Variants in SNORC observed in about 807,000 individuals in gnomAD.
SNORC encodes the protein secondary ossification center associated regulator of chondrocyte maturation.
In SNORC, 11 loss-of-function variants were observed where a neutral mutation model predicts 9.7. The observed-to-expected ratio is 1.14, with a 90% confidence interval of 0.72 to 1.88. The LOEUF is 1.88. SNORC is among the 40% of genes most tolerant of loss of function. The probability of loss-of-function intolerance (pLI) is 0.00; values close to 1 mark genes in which losing one functional copy is unlikely to be tolerated. For missense variants in SNORC, 197 were observed against 173.1 expected (o/e 1.14, Z -0.77); for synonymous variants, 108 against 88.7 (o/e 1.22, Z -1.22).
intron 1 of SNORC, among the ~76,000 whole-genome samples, chr2:232,870,713 TTAAAATC>T (rs1251922756): frequency 6.6e-6 from 1 of 151,876 alleles, no homozygotes; most frequent in African/African-American, 2.4e-5. Context: ...CTCTAGCACT[TTAAAATC>T]TGAAGTCTCC....
chr2:232,878,606 G>A (rs945903242), downstream of SNORC: 1 of 152,460 alleles, frequency 6.6e-6, no homozygotes, highest in Non-Finnish European at 1.5e-5. Flanking sequence ...ATGCCTCCTC[G>A]ACCAGCCTTG....
At chr2:232,876,533 G>A (rs917716318), downstream of SNORC, 3 of 1,205,156 alleles carry the variant, frequency 2.5e-6, no homozygotes, top group African/African-American at 1.6e-5. The surrounding 1 kb of genome is among the most constrained non-coding windows in gnomAD (Gnocchi z 6.8). Flanking sequence ...CACGCGCGCG[G>A]GTCCGGAGGC....
At chr2:232,875,896 G>A (rs908397288) in intron 1 of SNORC, 44 bp from the exon 2 acceptor site, 2 of 1,510,296 alleles carry the variant, frequency 1.3e-6, no homozygotes, top group African/African-American at 1.4e-5. Flanking sequence ...CGTCCCTGTC[G>A]GCCCCGTCAC....
chr2:232,867,259 C>T (rs892833724), upstream of SNORC, among the ~76,000 whole-genome samples: 6 of 152,318 alleles, frequency 3.9e-5, no homozygotes, highest in African/African-American at 1.4e-4. Context: ...CCATAATCCT[C>T]AGTATTTCCT....
upstream of SNORC, chr2:232,869,934 A>G (rs1029494099): frequency 9.7e-6 from 3 of 309,484 alleles, no homozygotes; most frequent in Admixed American, 1.5e-4. Context: ...CCCCACTGAA[A>G]CACAGTGGCC....
Position 232,876,010 on chromosome 2 carries a change from C to A in SNORC, c.144C>A (p.Pro48=). 1 of 1,552,168 alleles carries A rather than the reference C, an allele frequency of 6.4e-7. No homozygotes were observed. The highest frequency in any genetic ancestry group is 1.2e-5 in the South Asian group (1 of 84,456). ...CCGAGCTGCCGTCGGGAGAAGGCCC[C>A]GTGGAGAGCACCAGCCCCGGCCGGG... Residue 48 remains proline (P), a synonymous_variant, in exon 2 of 3, where the codon CCC becomes CCA. Coordinates refer to ENST00000331342, the Ensembl canonical transcript of SNORC. The surrounding 1 kb of genome is among the most constrained non-coding windows in gnomAD (Gnocchi z 6.8).
At chr2:232,872,537 C>T (rs571052575) in intron 1 of SNORC, among the ~76,000 whole-genome samples, 11 of 152,338 alleles carry the variant, frequency 7.2e-5, no homozygotes, top group African/African-American at 2.6e-4. Flanking sequence ...GAGCGCGTAG[C>T]CACACCACAT....
rs75834091 is a variant in SNORC at position 232,875,467 on chromosome 2, G to A, written c.74-473G>A. On this transcript the variant is annotated intron_variant, in intron 1 of 2. Coordinates refer to ENST00000331342, the Ensembl canonical transcript of SNORC. Reference sequence around the variant, plus strand: ...CCATCCCCATGTTGAGCTTTCCAGCGTTTCTGGGGCATCCTGTCTGGTTGC... The same window carrying A: ...CCATCCCCATGTTGAGCTTTCCAGCATTTCTGGGGCATCCTGTCTGGTTGC... The A allele has an allele frequency of 2.0e-3, 818 of 417,506 alleles. 22 individuals carry two copies. In the East Asian group the frequency reaches 0.052, roughly 26 times the overall value. The allele number at this position is 417,506 out of a possible 1,614,324, so 25.9% of individuals were successfully genotyped here.
At chr2:232,874,870 C>T (rs1025763598) in intron 1 of SNORC, among the ~76,000 whole-genome samples, 1 of 152,246 alleles carries the variant, frequency 6.6e-6, no homozygotes, top group South Asian at 2.1e-4. Context: ...CTCACCACCA[C>T]GGCACCTTAT....
downstream of SNORC, chr2:232,876,896 G>T (rs1273257111): frequency 2.1e-5 from 21 of 985,356 alleles, no homozygotes; most frequent in African/African-American, 3.5e-5. This position sits in a 1 kb window ranked among gnomAD's most constrained non-coding sequence, Gnocchi z 6.8. Context: ...ATCCCGCTCC[G>T]CTGGGGTTCA....
chr2:232,870,436 C>T (rs1690984931), intron 1 of SNORC, 22 bp downstream of exon 1: 2 of 1,557,674 alleles, frequency 1.3e-6, no homozygotes, highest in East Asian at 4.8e-5. Flanking sequence ...AGGCCCTTGT[C>T]TCAGCCACCA....
upstream of SNORC, among the ~76,000 whole-genome samples, chr2:232,867,940 C>G (rs751699542): frequency 6.6e-6 from 1 of 152,154 alleles, no homozygotes; most frequent in African/African-American, 2.4e-5. Context: ...GTACTTGTGG[C>G]CATCTTGCAG....
downstream of SNORC, chr2:232,876,975 T>C (rs1574976190): frequency 5.1e-6 from 5 of 985,550 alleles, no homozygotes; most frequent in South Asian, 2.3e-4. This position sits in a 1 kb window ranked among gnomAD's most constrained non-coding sequence, Gnocchi z 6.8. Context: ...CCGCCGCTCC[T>C]TGAGGCCGGG....
intron 1 of SNORC, among the ~76,000 whole-genome samples, chr2:232,872,313 G>A (rs986310743): frequency 2.0e-5 from 3 of 152,198 alleles, no homozygotes; most frequent in South Asian, 2.1e-4. Context: ...GGAGCAGGCC[G>A]GGCTGAGCGG....
rs371543923 is a variant in SNORC at position 232,870,333 on chromosome 2, C to T, written c.-9C>T. On this transcript the variant is annotated 5_prime_UTR_variant, in exon 1 of 3. Coordinates refer to ENST00000331342, the Ensembl canonical transcript of SNORC. ...GTCCCGCCCGCCGCTGCCCTCACTC[C>T]CGGCCAGGATGGCATCCTGTCTGGC... 2.0e-4 allele frequency: 309 copies of T among 1,555,542 alleles called. 1 individual carries two copies. The African/African-American group carries it at 3.9e-3, about 20-fold the overall frequency.
At chr2:232,873,436 A>AGCTCACCCCTGCTGGGCTGGCC (rs1024204996) in intron 1 of SNORC, among the ~76,000 whole-genome samples, 6 of 152,054 alleles carry the variant, frequency 3.9e-5, no homozygotes, top group African/African-American at 9.7e-5. Context: ...CAAGGGTGGC[A>AGCTCACCCCTGCTGGGCTGGCC]GCTCACCCCT....
chr2:232,876,569 C>T (rs1691258890), downstream of SNORC: 3 of 1,160,160 alleles, frequency 2.6e-6, no homozygotes, highest in Middle Eastern at 3.6e-4. The surrounding 1 kb of genome is among the most constrained non-coding windows in gnomAD (Gnocchi z 6.8). Context: ...GCAGGGGCGC[C>T]GGGGCGTGCG....
chr2:232,868,954 C>T (rs1424912664), upstream of SNORC: 2 of 152,178 alleles, frequency 1.3e-5, no homozygotes, highest in African/African-American at 4.8e-5. Context: ...ATCTTACTAA[C>T]TTGATACTAA....
chr2:232,870,474 T>G, intron 1 of SNORC, 60 bp downstream of exon 1: 1 of 1,468,244 alleles, frequency 6.8e-7, no homozygotes, highest in Non-Finnish European at 9.3e-7. Flanking sequence ...ATAACTACCT[T>G]GGGGCCAGAT....
Sources: allele counts gnomAD v4.1 joint callset (sites outside exome capture counted in the v4.1 genomes callset), GRCh38; gene constraint gnomAD v4.1.1; non-coding constraint Gnocchi (gnomAD v3.1); transcripts MANE v1.5; gene names NCBI Gene and HGNC (gene_info 2026-07-23, HGNC 2026-07-21).